DRD3: variants seen among roughly 807,000 people sequenced by gnomAD.
DRD3 encodes D(3) dopamine receptor.
Under a neutral mutation model 36.3 loss-of-function variants are expected in DRD3, and 19 were observed. That is an observed-to-expected ratio of 0.52 (90% confidence interval 0.36 to 0.77). DRD3 has a LOEUF of 0.77. DRD3 is among the 30% of genes least tolerant of loss of function. DRD3 has a pLI of 0.00. For missense variants in DRD3, 465 were observed against 505.3 expected, an observed-to-expected ratio of 0.92 and a Z score of 0.77; for synonymous variants, 195 against 203.7, an observed-to-expected ratio of 0.96 and a Z score of 0.36.
At position 114,128,023 on chromosome 3, in the gene DRD3, T is replaced by A. The variant is rs2077394017; in HGVS notation, c.*693A>T. Among the ~76,000 whole-genome samples the A allele has an allele frequency of 6.6e-6, 1 of 152,222 alleles. No individual in the cohort carries two copies. Among genetic ancestry groups the A allele is most frequent in the South Asian group, 2.1e-4 (1 of 4,832 alleles). On this transcript the variant is annotated 3_prime_UTR_variant, in exon 7 of 7. Coordinates refer to ENST00000383673, the MANE Select transcript of DRD3 (RefSeq NM_000796.6). ...TGAATGATTCTGGAAGTTGAGACTC[T>A]GAGATTTCCTCTAGAGAGTAAAGGA... is the stretch of plus-strand genomic sequence containing the variant.
In DRD3 at chr3:114,186,932, T is replaced by G. The variant is rs558565399; in HGVS notation, c.-155-8156A>C. 2.0e-5 allele frequency among the ~76,000 whole-genome samples: 3 copies of G among 152,268 alleles called. No homozygotes were observed. In the East Asian group the frequency reaches 5.8e-4, roughly 29 times the overall value. ...ATCAGAGAACTGTGTGTATAGAAGATGGAAGATGAGAGAGATATGGAAGTG... is the reference window on the plus strand; with the variant it reads ...ATCAGAGAACTGTGTGTATAGAAGAGGGAAGATGAGAGAGATATGGAAGTG... On this transcript the variant is annotated intron_variant, in intron 1 of 7. Coordinates refer to the DRD3 transcript ENST00000460779.
chr3:114,129,050 T>A, intron 6 of DRD3, 138 bp from the exon 7 acceptor site: 1 of 903,628 alleles, frequency 1.1e-6, no homozygotes, highest in Non-Finnish European at 1.6e-6. Flanking sequence ...CTTTTTTTTA[T>A]AACAACCCTA....
chr3:114,155,336 C>T (rs904706683), intron 3 of DRD3, among the ~76,000 whole-genome samples: 31 of 152,210 alleles, frequency 2.0e-4, no homozygotes, highest in African/African-American at 7.2e-4. Context: ...GGTGAGAATT[C>T]ATTGGCCCAT....
intron 4 of DRD3, among the ~76,000 whole-genome samples, chr3:114,142,235 T>C (rs2077532484): frequency 6.6e-6 from 1 of 152,088 alleles, no homozygotes; most frequent in African/African-American, 2.4e-5. Flanking sequence ...TTCTCTGAAG[T>C]CAGCTTTTCT....
At chr3:114,165,028 G>A (rs2077770302) in intron 2 of DRD3, among the ~76,000 whole-genome samples, 1 of 152,210 alleles carries the variant, frequency 6.6e-6, no homozygotes. Context: ...TGAGATTACA[G>A]GTATGAGCCA....
intron 3 of DRD3, 102 bp from the exon 4 acceptor site, chr3:114,147,659 C>G: frequency 7.1e-7 from 1 of 1,408,210 alleles, no homozygotes; most frequent in Non-Finnish European, 9.7e-7. Flanking sequence ...GGGTCTCACT[C>G]TGTCACCCAG....
At position 114,146,283 on chromosome 3, in the gene DRD3, G is replaced by C. The variant is rs1038928806; in HGVS notation, c.526+1132C>G. Among the ~76,000 whole-genome samples the C allele has an allele frequency of 4.6e-5, 7 of 152,274 alleles. No homozygotes were observed. In the East Asian group the frequency reaches 1.3e-3, roughly 29 times the overall value. Reference sequence around the variant, plus strand: ...CAAACCTGGAATATAGGCATTGAATGAATCAATTCAAATGGACAAAATAAG... The same window carrying C: ...CAAACCTGGAATATAGGCATTGAATCAATCAATTCAAATGGACAAAATAAG... On this transcript the variant is annotated intron_variant, in intron 4 of 6. Transcript: ENST00000383673.
intron 1 of DRD3, among the ~76,000 whole-genome samples, chr3:114,176,983 A>G (rs1258955980): frequency 2.0e-5 from 3 of 152,212 alleles, no homozygotes; most frequent in East Asian, 3.8e-4. Context: ...ATCACAAACC[A>G]GTAAATGATG....
At chr3:114,149,537 A>G (rs2654764) in intron 3 of DRD3, among the ~76,000 whole-genome samples, 13,297 of 152,288 alleles carry the variant, frequency 0.087, 969 homozygotes, top group African/African-American at 0.19. Flanking sequence ...GATTTCTGCC[A>G]CGTATAATCC....
At chr3:114,184,157 G>A (rs2077962481) in intron 1 of DRD3, among the ~76,000 whole-genome samples, 2 of 151,904 alleles carry the variant, frequency 1.3e-5, no homozygotes, top group African/African-American at 2.4e-5. Context: ...TGGTTGCAGT[G>A]GAGATTACAT....
intron 4 of DRD3, among the ~76,000 whole-genome samples, chr3:114,144,500 A>T (rs917788662): frequency 2.0e-5 from 3 of 152,166 alleles, no homozygotes; most frequent in African/African-American, 7.2e-5. Context: ...ATCTATCAAG[A>T]TAATGAAGCT....
intron 1 of DRD3, among the ~76,000 whole-genome samples, chr3:114,172,512 G>A (rs1200125520): frequency 2.0e-5 from 3 of 152,164 alleles, no homozygotes; most frequent in Non-Finnish European, 4.4e-5. Context: ...GAAGTCATAG[G>A]AGGGAGTCTG....
rs2077509169 is a variant in DRD3 at position 114,139,829 on chromosome 3, A to C, written c.527-133T>G. The C allele has an allele frequency of 5.4e-6, 4 of 743,870 alleles. No individual in the cohort carries two copies. The Admixed American group carries it at 8.0e-5, about 15-fold the overall frequency. 46.1% of individuals were successfully genotyped at this position (743,870 alleles called of 1,614,324 possible). ...CAGGGGGTGGGAAGGATGCAGTCTC[A>C]GATACGTATACTGTCAGGTCCTTGA... On this transcript the variant is annotated intron_variant, in intron 4 of 6. Coordinates refer to ENST00000383673, the MANE Select transcript of DRD3 (RefSeq NM_000796.6).
chr3:114,182,284 C>T (rs2077952218), upstream of DRD3, among the ~76,000 whole-genome samples: 1 of 152,136 alleles, frequency 6.6e-6, no homozygotes, highest in African/African-American at 2.4e-5. Context: ...ATTCATTCTG[C>T]TGCTGTAATA....
chr3:114,139,125 T>A (rs1165881353), intron 5 of DRD3, among the ~76,000 whole-genome samples: 1 of 152,126 alleles, frequency 6.6e-6, no homozygotes, highest in Non-Finnish European at 1.5e-5. Context: ...GCATGAGTGG[T>A]TTAGACAAAA....
intron 4 of DRD3, among the ~76,000 whole-genome samples, chr3:114,143,115 G>T (rs1410940719): frequency 6.6e-6 from 1 of 152,222 alleles, no homozygotes; most frequent in African/African-American, 2.4e-5. Flanking sequence ...AGGAGATGAG[G>T]TGCCTTGTTT....
intron 3 of DRD3, among the ~76,000 whole-genome samples, chr3:114,157,111 T>C (rs2077688884): frequency 6.6e-6 from 1 of 151,588 alleles, no homozygotes; most frequent in South Asian, 2.1e-4. Flanking sequence ...TGGAGTGCAA[T>C]GGTGCAGTCT....
In DRD3 at chr3:114,188,300, G is replaced by A. The variant is rs565833262; in HGVS notation, c.-155-9524C>T. 1.7e-4 allele frequency among the ~76,000 whole-genome samples: 23 copies of A among 134,994 alleles called. 2 individuals are homozygous for A. In the South Asian group the frequency reaches 5.1e-3, roughly 30 times the overall value. 88.6% of individuals were successfully genotyped at this position (134,994 alleles called of 152,430 possible). A position where few individuals can be genotyped will look rare whatever the true frequency, so the allele number is the denominator to read the frequency against. ...GAGATCTCAGTTCACTGCAACCTCCGCCTCAAGTTCAAGTGATTCTTGTGC... is the reference window on the plus strand; with the variant it reads ...GAGATCTCAGTTCACTGCAACCTCCACCTCAAGTTCAAGTGATTCTTGTGC... On this transcript the variant is annotated intron_variant, in intron 1 of 7. Coordinates refer to the DRD3 transcript ENST00000460779.
At chr3:114,168,917 G>A (rs1424725418) in intron 2 of DRD3, among the ~76,000 whole-genome samples, 3 of 151,888 alleles carry the variant, frequency 2.0e-5, no homozygotes, top group African/African-American at 7.3e-5. Context: ...AAGCACATGC[G>A]GCTATGAATC....
Sources: allele counts gnomAD v4.1 joint callset (sites outside exome capture counted in the v4.1 genomes callset), GRCh38; gene constraint gnomAD v4.1.1; transcripts MANE v1.5; gene names NCBI Gene and HGNC (gene_info 2026-07-23, HGNC 2026-07-21).